The following DPF3 variants were observed in gnomAD, a reference collection of about 807,000 sequenced individuals.
DPF3 encodes zinc finger protein DPF3.
DPF3 carries 18 observed loss-of-function variants against 56.8 expected under a neutral mutation model. The ratio of observed to expected loss-of-function variants is 0.32; its 90% confidence interval spans 0.22 to 0.47. The LOEUF (loss-of-function observed/expected upper bound fraction) is 0.47. DPF3 is among the 20% of genes least tolerant of loss of function. The pLI is 1.00. For synonymous variants in DPF3, 188 were observed against 180.2 expected (o/e 1.04, Z -0.35); for missense variants, 403 against 488.8 (o/e 0.82, Z 1.65).
chr14:72,662,748 G>A (rs1886268724), intron 8 of DPF3: 1 of 994,178 alleles, frequency 1.0e-6, no homozygotes, highest in Non-Finnish European at 1.2e-6. Flanking sequence ...GGAGGAGGAG[G>A]AGGTGCCAAT....
intron 1 of DPF3, among the ~76,000 whole-genome samples, chr14:72,844,843 C>A (rs1567253569): frequency 6.6e-6 from 1 of 152,148 alleles, no homozygotes; most frequent in African/African-American, 2.4e-5. Flanking sequence ...CTCCATGGAA[C>A]CAGGTATGGT....
At chr14:72,752,936 T>C (rs1055261641) in intron 3 of DPF3, among the ~76,000 whole-genome samples, 10 of 152,132 alleles carry the variant, frequency 6.6e-5, no homozygotes, top group Non-Finnish European at 1.3e-4. Context: ...ACAAGAAAAG[T>C]ATCACATGAC....
chr14:72,676,270 GCAAT>G (rs1886902880), intron 7 of DPF3, among the ~76,000 whole-genome samples: 1 of 152,146 alleles, frequency 6.6e-6, no homozygotes, highest in Non-Finnish European at 1.5e-5. Context: ...TGTATGGAAG[GCAAT>G]CAGAGAATCC....
chr14:72,760,218 C>G (rs1334553446), intron 2 of DPF3, among the ~76,000 whole-genome samples: 1 of 152,126 alleles, frequency 6.6e-6, no homozygotes, highest in Non-Finnish European at 1.5e-5. Context: ...TACCTGTAAT[C>G]CCAACAATTT....
Position 72,620,949 on chromosome 14 carries a change from T to C in DPF3, c.985-965A>G, listed in dbSNP as rs147945625. Among the ~76,000 whole-genome samples, 822 of 152,284 alleles carry C rather than the reference T, an allele frequency of 5.4e-3. 12 individuals carry two copies. Among genetic ancestry groups the C allele is most frequent in the African/African-American group, 0.019 (788 of 41,556 alleles). Reference sequence around the variant, plus strand: ...TGAGGTCTGGAGTTCGAGACCAGCTTGGCCAACATGGTGAAACCCCATCTC... The same window carrying C: ...TGAGGTCTGGAGTTCGAGACCAGCTCGGCCAACATGGTGAAACCCCATCTC... On this transcript the variant is annotated intron_variant, in intron 9 of 10. Transcript: ENST00000556509.
At chr14:72,745,863 A>G (rs72730311) in intron 3 of DPF3, among the ~76,000 whole-genome samples, 1 of 152,342 alleles carries the variant, frequency 6.6e-6, no homozygotes, top group Non-Finnish European at 1.5e-5. Flanking sequence ...ATTTTAAAAT[A>G]CTGTCCGAGT....
intron 10 of DPF3, 111 bp from the exon 11 acceptor site, chr14:72,619,478 G>A (rs1884287487): frequency 4.8e-6 from 6 of 1,242,696 alleles, no homozygotes; most frequent in Non-Finnish European, 6.7e-6. Flanking sequence ...TGGCAATGCA[G>A]AAACCAAGTC....
chr14:72,859,963 C>T (rs1330927963), intron 1 of DPF3, among the ~76,000 whole-genome samples: 1 of 85,896 alleles, frequency 1.2e-5, no homozygotes, highest in Non-Finnish European at 2.3e-5. Flanking sequence ...CCCCATTTAA[C>T]TGACAAAAAA....
chr14:72,825,033 G>A (rs571676120), intron 1 of DPF3, among the ~76,000 whole-genome samples: 9 of 150,472 alleles, frequency 6.0e-5, no homozygotes, highest in East Asian at 5.9e-4. Flanking sequence ...GACTACAGGC[G>A]CATGCCACCA....
chr14:72,810,720 T>C (rs1179454567), intron 1 of DPF3, among the ~76,000 whole-genome samples: 1 of 152,156 alleles, frequency 6.6e-6, no homozygotes, highest in Non-Finnish European at 1.5e-5. Flanking sequence ...GAACTCTCTA[T>C]TCTCAGCCAG....
At chr14:72,671,478 T>C (rs750856715) in intron 8 of DPF3, 2 of 1,221,976 alleles carry the variant, frequency 1.6e-6, no homozygotes, top group Non-Finnish European at 2.4e-6. Context: ...ACCCGGTGCA[T>C]CACCTGGTGA....
chr14:72,757,666 A>T (rs1157683497), intron 2 of DPF3, among the ~76,000 whole-genome samples: 1 of 152,222 alleles, frequency 6.6e-6, no homozygotes, highest in African/African-American at 2.4e-5. Context: ...ACCTATTTAC[A>T]TAGCATTTAC....
chr14:72,803,031 T>C (rs1024216916), intron 1 of DPF3, among the ~76,000 whole-genome samples: 1 of 152,234 alleles, frequency 6.6e-6, no homozygotes, highest in Non-Finnish European at 1.5e-5. Context: ...CATTGACAGA[T>C]AAAATACAGG....
chr14:72,622,954 A>T (rs1884552023), intron 9 of DPF3, among the ~76,000 whole-genome samples: 1 of 152,196 alleles, frequency 6.6e-6, no homozygotes, highest in African/African-American at 2.4e-5. Context: ...AATGTCCATC[A>T]ATAAGGGAAT....
intron 1 of DPF3, among the ~76,000 whole-genome samples, chr14:72,811,541 T>C (rs1310498337): frequency 1.3e-5 from 2 of 152,176 alleles, no homozygotes; most frequent in East Asian, 1.9e-4. Flanking sequence ...ACCCAGTCTG[T>C]GGCACTTACA....
intron 2 of DPF3, among the ~76,000 whole-genome samples, chr14:72,755,694 C>G (rs1268850205): frequency 6.6e-6 from 1 of 152,154 alleles, no homozygotes. Context: ...TGACAGACCC[C>G]CTGCCCCATC....
intron 1 of DPF3, among the ~76,000 whole-genome samples, chr14:72,815,288 C>G (rs1235484892): frequency 1.3e-5 from 2 of 151,922 alleles, no homozygotes; most frequent in African/African-American, 4.8e-5. Context: ...AATGAGATAC[C>G]GTTAAACATC....
intron 6 of DPF3, among the ~76,000 whole-genome samples, chr14:72,710,340 T>A (rs1306381413): frequency 6.6e-6 from 1 of 152,180 alleles, no homozygotes; most frequent in East Asian, 1.9e-4. Context: ...GAGTTGTATA[T>A]CAATGTGAAA....
chr14:72,848,488 A>T (rs1440089208), intron 1 of DPF3, among the ~76,000 whole-genome samples: 1 of 151,990 alleles, frequency 6.6e-6, no homozygotes, highest in Non-Finnish European at 1.5e-5. Context: ...CTATTTGGGG[A>T]CCTCTTTGTT....
Sources: gnomAD v4.1 joint callset for allele counts (sites outside exome capture counted in the v4.1 genomes callset) on GRCh38, gnomAD v4.1.1 for gene constraint, MANE v1.5 for transcripts, NCBI Gene and HGNC (gene_info 2026-07-23, HGNC 2026-07-21) for gene names.